Variants in STK10 observed in about 807,000 individuals in gnomAD.
The protein encoded by STK10 is serine/threonine kinase 10.
In STK10, 78 loss-of-function variants were observed where a neutral mutation model predicts 113.8. The ratio of observed to expected loss-of-function variants is 0.69; its 90% confidence interval spans 0.57 to 0.83. The LOEUF is 0.83. STK10 is among the 40% of genes least tolerant of loss of function. The pLI is 0.00. For synonymous variants in STK10, 465 were observed against 494.7 expected (o/e 0.94, Z 0.80); for missense variants, 1,109 against 1,280.1 (o/e 0.87, Z 2.04).
chr5:172,106,947 T>G (rs1476795658), intron 5 of STK10, 133 bp from the exon 6 acceptor site: 12 of 863,346 alleles, frequency 1.4e-5, no homozygotes, highest in Non-Finnish European at 2.1e-5. Context: ...CTGCGTGACT[T>G]TGCATCCCAC....
intron 13 of STK10, among the ~76,000 whole-genome samples, chr5:172,063,989 G>A (rs1479250497): frequency 2.0e-5 from 3 of 152,132 alleles, no homozygotes; most frequent in Non-Finnish European, 2.9e-5. Flanking sequence ...GCAAAGAGGC[G>A]GCGCTTATCT....
chr5:172,167,472 C>T (rs890945277), intron 1 of STK10, among the ~76,000 whole-genome samples: 1 of 152,086 alleles, frequency 6.6e-6, no homozygotes, highest in Non-Finnish European at 1.5e-5. Context: ...TGAAGTCAAG[C>T]GATTTATAAA....
At chr5:172,080,176 C>A (rs774519612) in intron 12 of STK10, among the ~76,000 whole-genome samples, 3 of 152,072 alleles carry the variant, frequency 2.0e-5, no homozygotes, top group African/African-American at 4.8e-5. Context: ...TAGGGTGCCA[C>A]GAGCCCATAT....
At chr5:172,061,742 T>G (rs536374141) in intron 13 of STK10, 1 of 153,162 alleles carries the variant, frequency 6.5e-6, no homozygotes, top group African/African-American at 2.4e-5. Flanking sequence ...GATTGGAAAC[T>G]GGAATACTGA....
At chr5:172,070,833 G>A (rs1480078817) in intron 12 of STK10, among the ~76,000 whole-genome samples, 1 of 152,128 alleles carries the variant, frequency 6.6e-6, no homozygotes, top group Non-Finnish European at 1.5e-5. Context: ...GCATTAAAAG[G>A]ATAGTCAGGA....
chr5:172,184,570 G>C (rs1770918678), intron 1 of STK10, among the ~76,000 whole-genome samples: 1 of 152,156 alleles, frequency 6.6e-6, no homozygotes, highest in Non-Finnish European at 1.5e-5. Flanking sequence ...TTAATTAAGA[G>C]AAAATGGTGG....
intron 12 of STK10, among the ~76,000 whole-genome samples, chr5:172,074,395 T>A (rs1185221558): frequency 6.6e-6 from 1 of 152,182 alleles, no homozygotes; most frequent in Non-Finnish European, 1.5e-5. Context: ...TACAAGTATA[T>A]GTGGTCAACT....
chr5:172,069,973 C>T lies in STK10; in HGVS notation c.1990-5161G>A, dbSNP rs149815139. Among the ~76,000 whole-genome samples, 1,265 of 152,246 alleles carry T rather than the reference C, an allele frequency of 8.3e-3. 18 individuals carry two copies. Among genetic ancestry groups the T allele is most frequent in the African/African-American group, 0.029 (1,202 of 41,548 alleles). On this transcript the variant is annotated intron_variant, in intron 12 of 18. Coordinates refer to ENST00000176763, the MANE Select transcript of STK10 (RefSeq NM_005990.4). ...AATCTTAAAAAATATATGGGCCGGGCGTGGTGGCTCATGCCTGTAATCCCA... is the reference window on the plus strand; with the variant it reads ...AATCTTAAAAAATATATGGGCCGGGTGTGGTGGCTCATGCCTGTAATCCCA...
At chr5:172,071,233 A>AAG (rs1768174041) in intron 12 of STK10, among the ~76,000 whole-genome samples, 1 of 133,460 alleles carries the variant, frequency 7.5e-6, no homozygotes, top group African/African-American at 2.8e-5. Context: ...AAAAAAAAAA[A>AAG]AAAAAAAAGA....
chr5:172,172,190 CA>C (rs1770674043), intron 1 of STK10, among the ~76,000 whole-genome samples: 2 of 151,954 alleles, frequency 1.3e-5, no homozygotes, highest in Non-Finnish European at 2.9e-5. Context: ...AACTCCATCT[CA>C]AAAAAACAAA....
At chr5:172,165,271 CCTT>C (rs553613329) in intron 1 of STK10, among the ~76,000 whole-genome samples, 106 of 152,314 alleles carry the variant, frequency 7.0e-4, no homozygotes, top group African/African-American at 2.4e-3. Flanking sequence ...AGCCACCCCT[CCTT>C]AACTCCAGCT....
intron 5 of STK10, chr5:172,107,146 G>A (rs1192426291): frequency 7.2e-6 from 2 of 277,532 alleles, no homozygotes; most frequent in Non-Finnish European, 1.4e-5. Flanking sequence ...GTGGGTGGGC[G>A]AGAAGACACC....
chr5:172,178,417 G>A (rs1033899199), intron 1 of STK10, among the ~76,000 whole-genome samples: 1 of 152,108 alleles, frequency 6.6e-6, no homozygotes. Flanking sequence ...CCCCGCTCTC[G>A]GCTGGCTGCC....
At chr5:172,151,637 C>A (rs561709966) in intron 2 of STK10, among the ~76,000 whole-genome samples, 1 of 152,324 alleles carries the variant, frequency 6.6e-6, no homozygotes, top group East Asian at 1.9e-4. Flanking sequence ...AGCCACTGCG[C>A]CCGGCCCACT....
intron 1 of STK10, among the ~76,000 whole-genome samples, chr5:172,162,051 C>T (rs1404311527): frequency 6.6e-6 from 1 of 152,172 alleles, no homozygotes; most frequent in Non-Finnish European, 1.5e-5. Context: ...ATTTTGAAAG[C>T]TTGTTTAGGC....
chr5:172,076,638 C>T (rs1188094221), intron 12 of STK10, among the ~76,000 whole-genome samples: 3 of 152,204 alleles, frequency 2.0e-5, no homozygotes, highest in South Asian at 2.1e-4. Flanking sequence ...TTGGCCCCCA[C>T]GGAACAAAAT....
At chr5:172,096,274 C>T (rs1768851949) in intron 8 of STK10, 152 bp downstream of exon 8, 4 of 1,279,654 alleles carry the variant, frequency 3.1e-6, no homozygotes, top group Non-Finnish European at 1.1e-6. Context: ...TGCCATCTTA[C>T]GTTACCTGCA....
chr5:172,056,814 C>A (rs1238187550), intron 15 of STK10, among the ~76,000 whole-genome samples: 1 of 150,688 alleles, frequency 6.6e-6, no homozygotes, highest in Non-Finnish European at 1.5e-5. Context: ...GTGGAGGTTG[C>A]AGTGAGCCTA....
chr5:172,061,366 GAA>G, intron 13 of STK10, 98 bp from the exon 14 acceptor site: 1 of 1,465,846 alleles, frequency 6.8e-7, no homozygotes, highest in Middle Eastern at 2.0e-4. Context: ...GATCAGAGAA[GAA>G]AATGCAGGAA....
Sources: gnomAD v4.1 joint callset for allele counts (sites outside exome capture counted in the v4.1 genomes callset) on GRCh38, gnomAD v4.1.1 for gene constraint, MANE v1.5 for transcripts, NCBI Gene and HGNC (gene_info 2026-07-23, HGNC 2026-07-21) for gene names.